NELFCD: variants seen among roughly 807,000 people sequenced by gnomAD.
NELFCD encodes the protein negative elongation factor complex member C/D.
Under a neutral mutation model 72.9 loss-of-function variants are expected in NELFCD, and 48 were observed. The observed-to-expected ratio is 0.66, with a 90% CI of 0.52 to 0.84. The LOEUF is 0.84. NELFCD is among the 40% of genes least tolerant of loss of function. The pLI is 0.00. For synonymous variants in NELFCD, 297 were observed against 280.6 expected, an observed-to-expected ratio of 1.06 and a Z score of -0.59; for missense variants, 538 against 723.8, an observed-to-expected ratio of 0.74 and a Z score of 2.94.
At chr20:58,991,183 G>A in intron 8 of NELFCD, 108 bp downstream of exon 8, 5 of 1,549,704 alleles carry the variant, frequency 3.2e-6, no homozygotes, top group Admixed American at 1.7e-5. Context: ...TCATTGTCCT[G>A]GTCCTTCCTC....
intron 5 of NELFCD, 72 bp from the exon 6 acceptor site, chr20:58,989,416 C>A: frequency 6.4e-7 from 1 of 1,572,660 alleles, no homozygotes; most frequent in South Asian, 1.1e-5. Flanking sequence ...ACCATGAACA[C>A]TGACAAGCCA....
intron 3 of NELFCD, chr20:58,987,159 T>C: frequency 3.0e-6 from 1 of 336,038 alleles, no homozygotes; most frequent in East Asian, 6.4e-5. Context: ...GTGTGTTCAG[T>C]GTGTCATTTT....
Position 58,993,212 on chromosome 20 carries a change from T to A in NELFCD, c.1344+100T>A. ...TCTATTCAGTGAGTTTAGAGGATAC[T>A]CTTCTCAAAAATAGTTATTTCTGTC... On this transcript the variant is annotated intron_variant, in intron 11 of 14. Coordinates refer to ENST00000652272, the MANE Select transcript of NELFCD (RefSeq NM_198976.4). The surrounding 1 kb of genome is among the most constrained non-coding windows in gnomAD (Gnocchi z 5.0). 1 of 969,142 alleles carries A rather than the reference T, an allele frequency of 1.0e-6. No homozygotes were observed. Among genetic ancestry groups the A allele is most frequent in the Non-Finnish European group, 1.6e-6 (1 of 617,206 alleles). The allele number at this position is 969,142 out of a possible 1,614,324, so 60.0% of individuals were successfully genotyped here. A position where few individuals can be genotyped will look rare whatever the true frequency, so the allele number is the denominator to read the frequency against.
At chr20:58,992,118 AC>A in intron 10 of NELFCD, 98 bp downstream of exon 10, 3 of 1,253,140 alleles carry the variant, frequency 2.4e-6, no homozygotes, top group Non-Finnish European at 3.3e-6. Context: ...CTTCAGCGAT[AC>A]TTGTTCATTT....
rs2091752455 is a variant in NELFCD at position 58,983,566 on chromosome 20, C to T, written c.60+2197C>T. Among the ~76,000 whole-genome samples the T allele has an allele frequency of 2.6e-5, 4 of 151,552 alleles. No individual in the cohort carries two copies. In the South Asian group the frequency reaches 8.4e-4, roughly 32 times the overall value. On this transcript the variant is annotated intron_variant, in intron 1 of 14. Coordinates refer to ENST00000652272, the MANE Select transcript of NELFCD (RefSeq NM_198976.4). ...GTGATTCTCCAAGTAGCTGGAATTA[C>T]AGGCCGGTGCCACCACACCCGGCTA...
At position 58,981,270 on chromosome 20, in the gene NELFCD, C is replaced by T; in HGVS notation, c.-40C>T. On this transcript the variant is annotated 5_prime_UTR_variant, in exon 1 of 15. Coordinates refer to ENST00000652272, the MANE Select transcript of NELFCD (RefSeq NM_198976.4). ...CCGCCTCGCGCATGCGCCGCGCTCG[C>T]TCGCGGGAGGGCATGGCGGGGGCCG... 9.5e-7 allele frequency: 1 copy of T among 1,051,700 alleles called. No individual in the cohort carries two copies. Among genetic ancestry groups the T allele is most frequent in the Non-Finnish European group, 1.1e-6 (1 of 872,584 alleles). The allele number at this position is 1,051,700 out of a possible 1,614,324, so 65.1% of individuals were successfully genotyped here.
At chr20:58,990,226 A>G (rs1221290588) in intron 7 of NELFCD, 2 of 479,018 alleles carry the variant, frequency 4.2e-6, no homozygotes, top group Non-Finnish European at 7.5e-6. Context: ...GAGAAACCCC[A>G]TCTCTGGTAA....
At chr20:58,989,089 T>A in intron 5 of NELFCD, 68 bp downstream of exon 5, 1 of 1,181,140 alleles carries the variant, frequency 8.5e-7, no homozygotes, top group Non-Finnish European at 1.3e-6. Flanking sequence ...TTGGTCTGTT[T>A]CCTTTGACAG....
intron 5 of NELFCD, 95 bp from the exon 6 acceptor site, chr20:58,989,393 C>T (rs12479566): frequency 0.12 from 176,364 of 1,454,890 alleles, 11,335 homozygotes; most frequent in Admixed American, 0.22. Flanking sequence ...CCAGCGCACA[C>T]TTACTCCACC....
At position 58,988,947 on chromosome 20, in the gene NELFCD, A is replaced by G. The variant is rs1195587605; in HGVS notation, c.430A>G (p.Thr144Ala). The G allele has an allele frequency of 1.2e-6, 2 of 1,613,984 alleles. No individual in the cohort carries two copies. Residue 144 changes from threonine (T) to alanine (A), a missense_variant, in exon 5 of 15, where the codon ACC becomes GCC. Coordinates refer to ENST00000652272, the MANE Select transcript of NELFCD (RefSeq NM_198976.4). ...PAWLEQMIAH[T>A]TWRDLFYKLA... ...GTGGCTGGAACAGATGATTGCACAT[A>G]CCACGTGGCGGGACCTTTTTTATAA...
At chr20:58,994,619 A>T in intron 14 of NELFCD, 23 bp from the exon 15 acceptor site, 1 of 1,583,606 alleles carries the variant, frequency 6.3e-7, no homozygotes, top group Non-Finnish European at 8.7e-7. Flanking sequence ...TTTCTAACAC[A>T]GTCACTGTTT....
At chr20:58,989,698 T>C in intron 6 of NELFCD, 58 bp downstream of exon 6, 6 of 1,612,392 alleles carry the variant, frequency 3.7e-6, no homozygotes, top group Non-Finnish European at 5.1e-6. Context: ...GTCTTGGTTT[T>C]CAAGCATGAG....
chr20:58,989,314 G>A (rs2091795752), intron 5 of NELFCD, 174 bp from the exon 6 acceptor site: 1 of 743,258 alleles, frequency 1.3e-6, no homozygotes, highest in Admixed American at 2.4e-5. Context: ...CGATGGAGAG[G>A]TGGTCAGCCC....
At chr20:58,990,234 T>C in intron 7 of NELFCD, 1 of 458,022 alleles carries the variant, frequency 2.2e-6, no homozygotes, top group Non-Finnish European at 3.9e-6. Context: ...CCATCTCTGG[T>C]AAACAAAAAT....
chr20:58,988,099 G>C, intron 4 of NELFCD: 1 of 395,154 alleles, frequency 2.5e-6, no homozygotes, highest in Non-Finnish European at 4.6e-6. Flanking sequence ...ACAGCCCTTG[G>C]AGTGTTGTGG....
chr20:58,981,368 A>G lies in NELFCD; in HGVS notation c.59A>G (p.Gln20Arg). 9.1e-7 allele frequency: 1 copy of G among 1,094,160 alleles called. No homozygotes were observed. The highest frequency in any genetic ancestry group is 1.1e-6 in the Non-Finnish European group (1 of 896,316). 67.8% of individuals were successfully genotyped at this position (1,094,160 alleles called of 1,614,324 possible). Residue 20 changes from glutamine (Q) to arginine (R), a missense_variant and splice_region_variant, in exon 1 of 15, where the codon CAG (glutamine) becomes CGG (arginine). Coordinates refer to ENST00000652272, the MANE Select transcript of NELFCD (RefSeq NM_198976.4). ...TGGGGCGACGAGGCTGACGGCGGCC[A>G]GGTGAGGCGGGGCACTGGGCGCACC... ...AEWGDEADGG[Q>R]QEDDSGEGED...
At chr20:58,989,791 T>C in intron 6 of NELFCD, 67 bp from the exon 7 acceptor site, 1 of 1,611,600 alleles carries the variant, frequency 6.2e-7, no homozygotes, top group Non-Finnish European at 8.5e-7. Flanking sequence ...GGTGGAGGCT[T>C]GGCTCTCGTC....
At chr20:58,989,322 C>T in intron 5 of NELFCD, 166 bp from the exon 6 acceptor site, 1 of 801,656 alleles carries the variant, frequency 1.2e-6, no homozygotes, top group Non-Finnish European at 2.0e-6. Context: ...AGGTGGTCAG[C>T]CCAGGGCACA....
At chr20:58,985,013 G>A (rs1023690509) in intron 1 of NELFCD, among the ~76,000 whole-genome samples, 1 of 152,210 alleles carries the variant, frequency 6.6e-6, no homozygotes, top group Non-Finnish European at 1.5e-5. Flanking sequence ...CTGCTTTTAG[G>A]ATCTTAGTCC....
Sources: allele counts gnomAD v4.1 joint callset (sites outside exome capture counted in the v4.1 genomes callset), GRCh38; gene constraint gnomAD v4.1.1; non-coding constraint Gnocchi (gnomAD v3.1); transcripts MANE v1.5; gene names NCBI Gene and HGNC (gene_info 2026-07-23, HGNC 2026-07-21).